Variants in DAPK2 observed in about 807,000 individuals in gnomAD.
The protein encoded by DAPK2 is death associated protein kinase 2.
Under a neutral mutation model 44.1 loss-of-function variants are expected in DAPK2, and 35 were observed. That is an observed-to-expected ratio of 0.79 (90% confidence interval 0.61 to 1.05). DAPK2 has a LOEUF of 1.05. DAPK2 is among the 50% of genes least tolerant of loss of function. The pLI, the probability that DAPK2 is intolerant of heterozygous loss-of-function variation, is 0.00. For missense variants in DAPK2, 453 were observed against 483.2 expected (o/e 0.94, Z 0.59); for synonymous variants, 174 against 182.6 (o/e 0.95, Z 0.38).
intron 1 of DAPK2, among the ~76,000 whole-genome samples, chr15:64,008,749 T>C (rs552866937): frequency 1.3e-5 from 2 of 152,316 alleles, no homozygotes; most frequent in Non-Finnish European, 2.9e-5. Flanking sequence ...AACAAATAGT[T>C]GAGTGAAACT....
chr15:64,004,179 A>C (rs1347539346), intron 1 of DAPK2, among the ~76,000 whole-genome samples: 4 of 145,746 alleles, frequency 2.7e-5, no homozygotes, highest in African/African-American at 2.5e-5. Context: ...AGGTCTTTTG[A>C]CCTATACCAT....
chr15:63,982,998 C>T (rs1048318881), intron 2 of DAPK2, among the ~76,000 whole-genome samples: 1 of 152,234 alleles, frequency 6.6e-6, no homozygotes, highest in Non-Finnish European at 1.5e-5. Flanking sequence ...TCTTGGCTTA[C>T]AGTAGGACTC....
chr15:63,962,420 A>G (rs1339488522), intron 3 of DAPK2, among the ~76,000 whole-genome samples: 1 of 152,200 alleles, frequency 6.6e-6, no homozygotes, highest in African/African-American at 2.4e-5. Context: ...GGAGGAGAAG[A>G]GGCCCTCTGA....
intron 1 of DAPK2, among the ~76,000 whole-genome samples, chr15:63,994,777 A>C (rs2078909636): frequency 6.6e-6 from 1 of 151,674 alleles, no homozygotes; most frequent in Non-Finnish European, 1.5e-5. Context: ...TTTAGTAGAG[A>C]CCAGGTTTCA....
intron 1 of DAPK2, among the ~76,000 whole-genome samples, chr15:64,039,297 T>C (rs1595928082): frequency 1.3e-5 from 2 of 152,254 alleles, no homozygotes; most frequent in South Asian, 2.1e-4. Context: ...CTGATGAGCA[T>C]GTGTGAGTGT....
chr15:64,000,954 G>A (rs1409215808), intron 1 of DAPK2, among the ~76,000 whole-genome samples: 2 of 151,884 alleles, frequency 1.3e-5, no homozygotes, highest in Non-Finnish European at 2.9e-5. Context: ...ATCTTGGCTT[G>A]CTGCAACTTC....
At chr15:63,998,773 G>C (rs530788946) in intron 1 of DAPK2, among the ~76,000 whole-genome samples, 1 of 152,324 alleles carries the variant, frequency 6.6e-6, no homozygotes, top group African/African-American at 2.4e-5. Flanking sequence ...ACCGTGGGCT[G>C]TAGTCTCCTG....
At chr15:63,934,964 C>T (rs978210655) in intron 4 of DAPK2, among the ~76,000 whole-genome samples, 4 of 151,668 alleles carry the variant, frequency 2.6e-5, no homozygotes, top group Admixed American at 6.6e-5. Flanking sequence ...GAGTTCATTT[C>T]TTTAATTCAG....
At chr15:63,973,970 G>C (rs553444826) in intron 2 of DAPK2, among the ~76,000 whole-genome samples, 1 of 152,090 alleles carries the variant, frequency 6.6e-6, no homozygotes, top group African/African-American at 2.4e-5. Context: ...ATAAAAGATG[G>C]CCCCTTTATG....
chr15:63,918,784 GGAGT>G (rs2078996275), intron 8 of DAPK2: 1 of 152,430 alleles, frequency 6.6e-6, no homozygotes. Flanking sequence ...GGCAGAGGTT[GGAGT>G]GAGCCGAGAT....
At chr15:63,933,488 G>A (rs981317751) in intron 4 of DAPK2, among the ~76,000 whole-genome samples, 3 of 151,882 alleles carry the variant, frequency 2.0e-5, no homozygotes, top group Non-Finnish European at 4.4e-5. Flanking sequence ...GGTGATCCAC[G>A]CCTCTCAGCC....
At chr15:63,986,828 C>T (rs2140883207) in intron 1 of DAPK2, among the ~76,000 whole-genome samples, 1 of 149,634 alleles carries the variant, frequency 6.7e-6, no homozygotes, top group East Asian at 1.9e-4. Flanking sequence ...ATTTAAAAGC[C>T]CGCTGGGTAA....
chr15:64,037,070 G>C (rs2080231715), intron 1 of DAPK2, among the ~76,000 whole-genome samples: 1 of 152,192 alleles, frequency 6.6e-6, no homozygotes, highest in Admixed American at 6.5e-5. Context: ...GAGGCTCAGA[G>C]AGGGCAGGTT....
At chr15:64,024,421 T>G (rs1020014593) in intron 1 of DAPK2, among the ~76,000 whole-genome samples, 1 of 152,188 alleles carries the variant, frequency 6.6e-6, no homozygotes, top group African/African-American at 2.4e-5. Flanking sequence ...TGGAATGGAA[T>G]GCTTATTCTT....
Position 63,930,401 on chromosome 15 carries a change from A to G in DAPK2, c.632+6T>C, listed in dbSNP as rs368480340. The G allele has an allele frequency of 1.2e-6, 2 of 1,614,066 alleles. No homozygotes were observed. Among genetic ancestry groups the G allele is most frequent in the Non-Finnish European group, 1.7e-6 (2 of 1,180,022 alleles). On this transcript the variant is annotated splice_donor_region_variant and intron_variant, in intron 5 of 10. Transcript: ENST00000261891. ...CTAGGTCACCTGAGTGGCCTATCCA[A>G]CTTACCACATGTCAGCCTCCAGACC...
At chr15:63,915,165 A>T (rs1190369270) in intron 8 of DAPK2, among the ~76,000 whole-genome samples, 1 of 152,230 alleles carries the variant, frequency 6.6e-6, no homozygotes, top group Non-Finnish European at 1.5e-5. Flanking sequence ...ATTTGCATTT[A>T]TTATTGTAAT....
At chr15:63,981,975 G>A (rs2078529486) in intron 2 of DAPK2, among the ~76,000 whole-genome samples, 3 of 152,126 alleles carry the variant, frequency 2.0e-5, no homozygotes, top group Admixed American at 2.0e-4. Context: ...GCCAATACCA[G>A]AGCATAGTTC....
intron 3 of DAPK2, among the ~76,000 whole-genome samples, chr15:63,969,841 G>C (rs1276023543): frequency 6.6e-6 from 1 of 152,120 alleles, no homozygotes. Flanking sequence ...TAAGAGCTGG[G>C]GTAGGGACTC....
At chr15:63,950,823 G>A (rs1249475249) in intron 3 of DAPK2, among the ~76,000 whole-genome samples, 1 of 152,158 alleles carries the variant, frequency 6.6e-6, no homozygotes, top group African/African-American at 2.4e-5. Context: ...ACAAGATCCT[G>A]TACTTCAGTG....
Sources: allele counts gnomAD v4.1 joint callset (sites outside exome capture counted in the v4.1 genomes callset), GRCh38; gene constraint gnomAD v4.1.1; transcripts MANE v1.5; gene names NCBI Gene and HGNC (gene_info 2026-07-23, HGNC 2026-07-21).